Variants in KCNH7 observed in about 807,000 individuals in gnomAD.
KCNH7 encodes potassium voltage-gated channel subfamily H member 7, also known as voltage-gated inwardly rectifying potassium channel KCNH7.
A neutral mutation model predicts 120.8 loss-of-function variants in KCNH7; 49 were observed. That is an observed-to-expected ratio of 0.41 (90% CI 0.32 to 0.51). The LOEUF is 0.51. Ranked by LOEUF, KCNH7 falls within the 20% of genes least tolerant of loss-of-function variation. KCNH7 has a pLI of 0.38. For missense variants in KCNH7, 1,097 were observed against 1,446.6 expected (o/e 0.76, Z 3.92); for synonymous variants, 547 against 516.1 (o/e 1.06, Z -0.81).
chr2:162,548,051 A>G lies in KCNH7; in HGVS notation c.308-10971T>C, dbSNP rs182724258. On this transcript the variant is annotated intron_variant, in intron 2 of 15. Transcript: ENST00000332142. ...TTTAGCCCTCTCCTCTTCTCACAAA[A>G]GTTCATATTCTGTTGGACTATTTTA... Among the ~76,000 whole-genome samples the G allele has an allele frequency of 3.4e-4, 52 of 152,302 alleles. No individual in the cohort carries two copies. In the East Asian group the frequency reaches 9.3e-3, roughly 27 times the overall value.
intron 2 of KCNH7, among the ~76,000 whole-genome samples, chr2:162,718,918 C>T (rs1687229242): frequency 6.6e-6 from 1 of 151,862 alleles, no homozygotes; most frequent in Admixed American, 6.6e-5. Context: ...TGTTGTATGG[C>T]TATCCAATTT....
rs548096279 is a variant in KCNH7 at position 162,722,876 on chromosome 2, CT to C, written c.307+113660del. Among the ~76,000 whole-genome samples the C allele has an allele frequency of 9.3e-4, 101 of 109,144 alleles. 1 individual carries two copies. The highest frequency in any genetic ancestry group is 1.2e-3 in the Non-Finnish European group (69 of 57,180). The allele number at this position is 109,144 out of a possible 152,430, so 71.6% of individuals were successfully genotyped here. On this transcript the variant is annotated intron_variant, in intron 2 of 15. Transcript: ENST00000332142. ...AATGATCTGTCTTCAAATTTGCTGA[CT>C]TTTTTTTTAACCTAATCTAGTCTGC...
At chr2:162,470,244 T>C (rs1343343599) in intron 6 of KCNH7, among the ~76,000 whole-genome samples, 13 of 130,892 alleles carry the variant, frequency 9.9e-5, no homozygotes, top group African/African-American at 1.8e-4. Context: ...CCGGCCGCCA[T>C]CCCATCTAGG....
At chr2:162,406,810 A>G (rs1313657544) in intron 9 of KCNH7, among the ~76,000 whole-genome samples, 2 of 152,030 alleles carry the variant, frequency 1.3e-5, no homozygotes, top group African/African-American at 2.4e-5. Flanking sequence ...GTAAAAGCTA[A>G]CGTCCCAACA....
chr2:162,656,023 A>C (rs1426831676), intron 2 of KCNH7, among the ~76,000 whole-genome samples: 1 of 152,234 alleles, frequency 6.6e-6, no homozygotes, highest in African/African-American at 2.4e-5. Flanking sequence ...ATGTACATCT[A>C]CAATCACTTA....
At chr2:162,674,254 G>A (rs374742021) in intron 2 of KCNH7, among the ~76,000 whole-genome samples, 3 of 151,756 alleles carry the variant, frequency 2.0e-5, no homozygotes, top group African/African-American at 7.2e-5. Context: ...AAAAATGATA[G>A]TAGCAGAATT....
At chr2:162,800,651 C>T (rs959905018) in intron 2 of KCNH7, among the ~76,000 whole-genome samples, 1 of 151,866 alleles carries the variant, frequency 6.6e-6, no homozygotes, top group Non-Finnish European at 1.5e-5. Context: ...ATTATTCAGG[C>T]ATGTGTACAA....
chr2:162,817,545 G>C (rs1048572804), intron 2 of KCNH7, among the ~76,000 whole-genome samples: 3 of 151,966 alleles, frequency 2.0e-5, no homozygotes, highest in Non-Finnish European at 4.4e-5. Context: ...TAAATCATTT[G>C]TGGACATATA....
chr2:162,715,054 T>C (rs1352529077), intron 2 of KCNH7, among the ~76,000 whole-genome samples: 4 of 152,188 alleles, frequency 2.6e-5, no homozygotes, highest in Admixed American at 2.6e-4. Context: ...TGAAGTACAC[T>C]ATTTCATCCT....
At position 162,729,162 on chromosome 2, in the gene KCNH7, AT is replaced by A. The variant is rs1412794660; in HGVS notation, c.307+107374del. The stretch of plus-strand genomic sequence containing the variant: ...ATTGTCATTTTGTCAATATACCCAA[AT>A]TTTTTTTTTTTTTTTTTTTTGAGAC... On this transcript the variant is annotated intron_variant, in intron 2 of 15. Coordinates refer to ENST00000332142, the MANE Select transcript of KCNH7 (RefSeq NM_033272.4). Among the ~76,000 whole-genome samples, 1,122 of 119,856 alleles carry A rather than the reference AT, an allele frequency of 9.4e-3. 6 individuals are homozygous for A. Among genetic ancestry groups the A allele is most frequent in the African/African-American group, 0.029 (865 of 30,234 alleles). The allele number at this position is 119,856 out of a possible 152,430, so 78.6% of individuals were successfully genotyped here. A position where few individuals can be genotyped will look rare whatever the true frequency, so the allele number is the denominator to read the frequency against.
intron 2 of KCNH7, among the ~76,000 whole-genome samples, chr2:162,799,294 T>C (rs978785308): frequency 6.6e-6 from 1 of 151,986 alleles, no homozygotes; most frequent in Non-Finnish European, 1.5e-5. Flanking sequence ...ATATTGTGTT[T>C]AATTTTTTCT....
chr2:162,667,618 C>T (rs530578633), intron 2 of KCNH7, among the ~76,000 whole-genome samples: 1 of 152,232 alleles, frequency 6.6e-6, no homozygotes, highest in East Asian at 1.9e-4. Context: ...TTGGAATACC[C>T]TTCCCCTTTG....
Position 162,747,751 on chromosome 2 carries a change from A to T in KCNH7, c.307+88786T>A, listed in dbSNP as rs146530116. On this transcript the variant is annotated intron_variant, in intron 2 of 15. Transcript: ENST00000332142. ...AGTTTGATGTTATGACTTCTATTATAGAATGGAATCCTCGATACTCATATG... is the reference window on the plus strand; with the variant it reads ...AGTTTGATGTTATGACTTCTATTATTGAATGGAATCCTCGATACTCATATG... Among the ~76,000 whole-genome samples the T allele has an allele frequency of 6.0e-4, 91 of 152,282 alleles. 1 individual carries two copies. Among genetic ancestry groups the T allele is most frequent in the African/African-American group, 2.2e-3 (90 of 41,584 alleles).
chr2:162,744,125 T>A (rs1688230315), intron 2 of KCNH7, among the ~76,000 whole-genome samples: 1 of 152,028 alleles, frequency 6.6e-6, no homozygotes, highest in Non-Finnish European at 1.5e-5. Context: ...AGGAAATAAA[T>A]CATCCTTGCA....
At chr2:162,641,530 C>T (rs1340896262) in intron 2 of KCNH7, among the ~76,000 whole-genome samples, 1 of 150,970 alleles carries the variant, frequency 6.6e-6, no homozygotes, top group African/African-American at 2.4e-5. Context: ...GCCTCCTCAA[C>T]ATAGTGAGAC....
At chr2:162,604,316 T>C (rs1050803974) in intron 2 of KCNH7, among the ~76,000 whole-genome samples, 20 of 152,224 alleles carry the variant, frequency 1.3e-4, no homozygotes, top group African/African-American at 4.6e-4. Context: ...GGCCAGATTT[T>C]CAATACGGTT....
At chr2:162,758,558 C>T (rs1688865775) in intron 2 of KCNH7, among the ~76,000 whole-genome samples, 1 of 151,776 alleles carries the variant, frequency 6.6e-6, no homozygotes, top group Non-Finnish European at 1.5e-5. Context: ...GCTACATATA[C>T]ATATATATGT....
intron 12 of KCNH7, among the ~76,000 whole-genome samples, chr2:162,386,625 TGTGGA>T (rs1318445824): frequency 6.6e-6 from 1 of 151,870 alleles, no homozygotes; most frequent in Non-Finnish European, 1.5e-5. Context: ...TCTACACTTT[TGTGGA>T]GTGTTTTCCA....
intron 6 of KCNH7, among the ~76,000 whole-genome samples, chr2:162,478,913 G>A (rs1331946954): frequency 2.6e-5 from 4 of 152,126 alleles, no homozygotes; most frequent in Non-Finnish European, 5.9e-5. Context: ...TCCAGAACAT[G>A]TCCTTAATCA....
Sources: gnomAD v4.1 joint callset for allele counts (sites outside exome capture counted in the v4.1 genomes callset) on GRCh38, gnomAD v4.1.1 for gene constraint, MANE v1.5 for transcripts, NCBI Gene and HGNC (gene_info 2026-07-23, HGNC 2026-07-21) for gene names.